NFATC1: variants seen among roughly 807,000 people sequenced by gnomAD.
NFATC1 encodes nuclear factor of activated T cells 1.
In NFATC1, 22 loss-of-function variants were observed where a neutral mutation model predicts 76.0. That is an observed-to-expected ratio of 0.29 (90% confidence interval 0.21 to 0.41). The LOEUF (loss-of-function observed/expected upper bound fraction) is 0.41, where lower values mean the gene tolerates loss of function less well. NFATC1 is among the 10% of genes least tolerant of loss of function. The pLI, the probability that NFATC1 is intolerant of heterozygous loss-of-function variation, is 1.00. For synonymous variants in NFATC1, 704 were observed against 613.1 expected (o/e 1.15, Z -2.19); for missense variants, 1,357 against 1,337.7 (o/e 1.01, Z -0.23).
intron 1 of NFATC1, among the ~76,000 whole-genome samples, 179 bp downstream of exon 1, chr18:79,396,530 A>C (rs1325182829): frequency 6.6e-6 from 1 of 151,972 alleles, no homozygotes; most frequent in Non-Finnish European, 1.5e-5. Flanking sequence ...CCCAGCTCCC[A>C]GCAGCCCGGT....
chr18:79,494,251 G>A (rs1430981710), intron 9 of NFATC1, among the ~76,000 whole-genome samples: 28 of 148,640 alleles, frequency 1.9e-4, no homozygotes. Context: ...AGGCGAGAGC[G>A]GGCACACGCC....
Position 79,411,253 on chromosome 18 carries a change from C to T in NFATC1, c.978C>T (p.Asp326=). The T allele has an allele frequency of 6.2e-7, 1 of 1,603,514 alleles. No individual in the cohort carries two copies. Among genetic ancestry groups the T allele is most frequent in the South Asian group, 1.1e-5 (1 of 91,066 alleles). The change falls in exon 2 of 10, where the codon GAC becomes GAT. Residue 326 remains aspartate (D), a synonymous_variant. Coordinates refer to ENST00000427363, the MANE Select transcript of NFATC1 (RefSeq NM_001278669.2). ...INALTTDSSL[D]LGDGVPVKSR... ...CGCTGACCACCGACAGCAGCCTGGA[C>T]CTGGGAGATGGCGTCCCTGTCAAGT...
At chr18:79,480,834 G>A (rs910295583) in intron 8 of NFATC1, among the ~76,000 whole-genome samples, 3 of 152,346 alleles carry the variant, frequency 2.0e-5, no homozygotes, top group East Asian at 3.9e-4. Flanking sequence ...CAGAAGAGGC[G>A]CACTGGCCCC....
chr18:79,524,433 G>A lies in NFATC1; in HGVS notation c.2783-3095G>A, dbSNP rs976286253. On this transcript the variant is annotated intron_variant, in intron 9 of 9. Transcript: ENST00000427363. The surrounding 1 kb of genome is among the most constrained non-coding windows in gnomAD (Gnocchi z 7.2). ...GAGTGGTGTCAGGGTTGTCCATCCC[G>A]CTCTCTGTCAGCTGCTGCCATGGGG... Among the ~76,000 whole-genome samples the A allele has an allele frequency of 2.0e-4, 30 of 152,232 alleles. No homozygotes were observed. The highest frequency in any genetic ancestry group is 1.9e-4 in the East Asian group (1 of 5,196).
intron 9 of NFATC1, among the ~76,000 whole-genome samples, chr18:79,503,535 G>T (rs1381570733): frequency 2.0e-5 from 3 of 152,232 alleles, no homozygotes; most frequent in Non-Finnish European, 4.4e-5. Context: ...GAACAGAGGT[G>T]CCGTCATCCG....
intron 9 of NFATC1, among the ~76,000 whole-genome samples, chr18:79,516,553 G>A (rs375030051): frequency 8.5e-5 from 13 of 152,256 alleles, no homozygotes; most frequent in South Asian, 2.1e-4. Flanking sequence ...GCCGAGCGCC[G>A]GGCGCCCAGC....
rs773916438 is a variant in NFATC1 at position 79,455,746 on chromosome 18, TCACGGCCGCCCCATCC to T, written c.1903+3979_1903+3994del. Reference sequence around the variant, plus strand: ...GTGGGACCCCAGCTCGCCCCCCATCTCACGGCCGCCCCATCCCACGGCCGCCCCATCCCACGGCCGC... The same window carrying T: ...GTGGGACCCCAGCTCGCCCCCCATCTCACGGCCGCCCCATCCCACGGCCGC... On this transcript the variant is annotated intron_variant, in intron 6 of 9. Coordinates refer to ENST00000427363, the MANE Select transcript of NFATC1 (RefSeq NM_001278669.2). 7.8e-3 allele frequency among the ~76,000 whole-genome samples: 1,161 copies of T among 148,322 alleles called. 9 individuals are homozygous for T. The highest frequency in any genetic ancestry group is 0.023 in the African/African-American group (908 of 40,058).
At chr18:79,426,403 A>G (rs1600676652) in intron 2 of NFATC1, among the ~76,000 whole-genome samples, 1 of 151,806 alleles carries the variant, frequency 6.6e-6, no homozygotes, top group Non-Finnish European at 1.5e-5. Flanking sequence ...TCCCCAGGCC[A>G]CGGGGGCCAC....
intron 1 of NFATC1, among the ~76,000 whole-genome samples, chr18:79,401,398 C>T (rs922367347): frequency 2.6e-5 from 4 of 152,148 alleles, no homozygotes; most frequent in African/African-American, 9.7e-5. Flanking sequence ...AAAATAAGCG[C>T]TCCAACCAAA....
intron 9 of NFATC1, among the ~76,000 whole-genome samples, chr18:79,511,427 C>T (rs1353523329): frequency 2.0e-5 from 3 of 152,172 alleles, no homozygotes; most frequent in East Asian, 1.9e-4. Context: ...CAGGTTCTGC[C>T]GGGGGTCAGT....
intron 9 of NFATC1, among the ~76,000 whole-genome samples, chr18:79,526,959 C>T (rs2090782917): frequency 6.6e-6 from 1 of 152,198 alleles, no homozygotes; most frequent in South Asian, 2.1e-4. Context: ...TCTCAGCGCC[C>T]ATCAGGGCGG....
chr18:79,459,595 G>A (rs995715383), intron 6 of NFATC1, among the ~76,000 whole-genome samples: 3 of 152,136 alleles, frequency 2.0e-5, no homozygotes, highest in African/African-American at 7.2e-5. Flanking sequence ...CAGCGTCAGG[G>A]AAGTTCCTAG....
In NFATC1 at chr18:79,451,820, T is replaced by G; in HGVS notation, c.1903+4T>G. On this transcript the variant is annotated splice_donor_region_variant and intron_variant, in intron 6 of 9. Coordinates refer to ENST00000427363, the MANE Select transcript of NFATC1 (RefSeq NM_001278669.2). ...ATTTTCGTGGAGAAAGCCCCAGGTA[T>G]GCTCTTCACCAGGGGCCATCTGCGG... is the stretch of plus-strand genomic sequence containing the variant. 1 of 1,605,424 alleles carries G rather than the reference T, an allele frequency of 6.2e-7. No homozygotes were observed. Among genetic ancestry groups the G allele is most frequent in the Non-Finnish European group, 8.5e-7 (1 of 1,175,234 alleles).
chr18:79,435,749 C>T lies in NFATC1; in HGVS notation c.1386+2011C>T, dbSNP rs7505539. Among the ~76,000 whole-genome samples the T allele has an allele frequency of 2.6e-5, 4 of 152,184 alleles. No individual in the cohort carries two copies. In the East Asian group the frequency reaches 7.7e-4, roughly 29 times the overall value. On this transcript the variant is annotated intron_variant, in intron 3 of 9. Transcript: ENST00000427363. Reference sequence around the variant, plus strand: ...AACTTGAAACAGTAATTAAAAATATCTTTAAAATGTACCCTCAACAATTAT... The same window carrying T: ...AACTTGAAACAGTAATTAAAAATATTTTTAAAATGTACCCTCAACAATTAT...
chr18:79,481,425 T>C (rs1299940269), intron 8 of NFATC1, among the ~76,000 whole-genome samples: 1 of 152,256 alleles, frequency 6.6e-6, no homozygotes, highest in Non-Finnish European at 1.5e-5. Context: ...AATTTTCTAA[T>C]GTAAAACGAG....
intron 8 of NFATC1, among the ~76,000 whole-genome samples, chr18:79,479,622 A>T (rs1391160399): frequency 1.3e-5 from 2 of 152,244 alleles, no homozygotes; most frequent in Non-Finnish European, 2.9e-5. Context: ...TGCACTTTCC[A>T]GCTTCTCTCT....
chr18:79,396,485 A>G, intron 1 of NFATC1, 134 bp downstream of exon 1: 1 of 447,480 alleles, frequency 2.2e-6, no homozygotes, highest in Non-Finnish European at 3.2e-6. Context: ...CTGTGCGCCC[A>G]GGGAGGGGCG....
intron 9 of NFATC1, among the ~76,000 whole-genome samples, chr18:79,520,551 C>T (rs1448755573): frequency 3.7e-5 from 5 of 135,830 alleles, no homozygotes; most frequent in African/African-American, 1.4e-4. Context: ...AGGGTGCATC[C>T]ACCACTAATG....
rs551234875 is a variant in NFATC1, at chr18:79,458,318, C to T, written c.1904-2993C>T. Among the ~76,000 whole-genome samples the T allele has an allele frequency of 3.8e-5, 5 of 133,202 alleles. No homozygotes were observed. In the East Asian group the frequency reaches 1.0e-3, roughly 28 times the overall value. 87.4% of individuals were successfully genotyped at this position (133,202 alleles called of 152,430 possible). A position where few individuals can be genotyped will look rare whatever the true frequency, so the allele number is the denominator to read the frequency against. On this transcript the variant is annotated intron_variant, in intron 6 of 9. Transcript: ENST00000427363. ...CACGAGGACGCCGCGGGGAGCAGGG[C>T]ACGAGGATGCTTTGGGGAGCAGGGC...
Sources: allele counts gnomAD v4.1 joint callset (sites outside exome capture counted in the v4.1 genomes callset), GRCh38; gene constraint gnomAD v4.1.1; non-coding constraint Gnocchi (gnomAD v3.1); transcripts MANE v1.5; gene names NCBI Gene and HGNC (gene_info 2026-07-23, HGNC 2026-07-21).